The following PTPRA variants were observed in gnomAD, a reference collection of about 807,000 sequenced individuals.
The protein encoded by PTPRA is protein tyrosine phosphatase receptor type A, also known as receptor-type tyrosine-protein phosphatase alpha.
A neutral mutation model predicts 104.8 loss-of-function variants in PTPRA; 25 were observed. The observed-to-expected ratio is 0.24, with a 90% CI of 0.17 to 0.33. PTPRA has a LOEUF of 0.33. PTPRA is among the 10% of genes least tolerant of loss of function. The probability of loss-of-function intolerance (pLI) is 1.00; values close to 1 mark genes in which losing one functional copy is unlikely to be tolerated. For synonymous variants in PTPRA, 323 were observed against 368.9 expected, an observed-to-expected ratio of 0.88 and a Z score of 1.43; for missense variants, 765 against 1,015.3, an observed-to-expected ratio of 0.75 and a Z score of 3.35.
chr20:2,877,390 G>A (rs533603415), intron 1 of PTPRA, among the ~76,000 whole-genome samples: 1 of 152,140 alleles, frequency 6.6e-6, no homozygotes, highest in Non-Finnish European at 1.5e-5. Flanking sequence ...CTCCCGAGTA[G>A]CTGGGATTAC....
chr20:2,865,263 G>A, the PTPRA span: 1 of 1,614,014 alleles, frequency 6.2e-7, no homozygotes, highest in Non-Finnish European at 8.5e-7. This position sits in a 1 kb window ranked among gnomAD's most constrained non-coding sequence, Gnocchi z 5.2. Context: ...ATTCTTGGCG[G>A]TCACAACAAG....
chr20:2,905,917 C>T (rs2059413735), intron 1 of PTPRA, among the ~76,000 whole-genome samples: 1 of 151,870 alleles, frequency 6.6e-6, no homozygotes, highest in African/African-American at 2.4e-5. Flanking sequence ...AACTCCTGAC[C>T]TCAGGTGATC....
chr20:3,024,685 T>A, intron 17 of PTPRA, 64 bp downstream of exon 17: 1 of 1,579,404 alleles, frequency 6.3e-7, no homozygotes, highest in Non-Finnish European at 8.7e-7. Context: ...GAACATGGGA[T>A]GCCTGACTGT....
intron 9 of PTPRA, among the ~76,000 whole-genome samples, chr20:2,988,905 A>C (rs375888426): frequency 6.6e-6 from 1 of 152,238 alleles, no homozygotes; most frequent in Non-Finnish European, 1.5e-5. Flanking sequence ...GGACTGGTGC[A>C]TATTTGTAGG....
At chr20:3,024,730 G>GC (rs2065048841) in intron 17 of PTPRA, 109 bp downstream of exon 17, 1 of 1,341,124 alleles carries the variant, frequency 7.5e-7, no homozygotes, top group Non-Finnish European at 1.0e-6. Flanking sequence ...TGTGAGGCAT[G>GC]CCAGTGGTTA....
rs182078272 is a variant in PTPRA at position 3,022,237 on chromosome 20, C to T, written c.1328+17C>T. The stretch of plus-strand genomic sequence containing the variant: ...CCACTGCAGGTCAGTGTGGCCTGAC[C>T]CTTGTACCCCCACCCCCACATTTCG... On this transcript the variant is annotated intron_variant, in intron 15 of 23. Transcript: ENST00000399903. This position sits in a 1 kb window ranked among gnomAD's most constrained non-coding sequence, Gnocchi z 4.6. 109 of 1,612,790 alleles carry T rather than the reference C, an allele frequency of 6.8e-5. No individual in the cohort carries two copies. In the African/African-American group the frequency reaches 1.2e-3, roughly 18 times the overall value.
chr20:2,884,885 C>G (rs1284802418), intron 1 of PTPRA, among the ~76,000 whole-genome samples: 1 of 151,224 alleles, frequency 6.6e-6, no homozygotes, highest in Non-Finnish European at 1.5e-5. Flanking sequence ...TTTTGGCTCA[C>G]TGCAAGCTCT....
At chr20:2,968,033 C>CA (rs1163698348) in intron 5 of PTPRA, among the ~76,000 whole-genome samples, 18 of 152,202 alleles carry the variant, frequency 1.2e-4, no homozygotes, top group Admixed American at 8.5e-4. Context: ...GGCTACTACA[C>CA]AGATACATCA....
intron 6 of PTPRA, among the ~76,000 whole-genome samples, chr20:2,976,454 AT>A (rs1555807864): frequency 9.9e-5 from 15 of 152,200 alleles, no homozygotes; most frequent in Non-Finnish European, 1.8e-4. Context: ...TATCATATCT[AT>A]TTTACCTACC....
chr20:2,956,988 T>G (rs1481262392), intron 3 of PTPRA, among the ~76,000 whole-genome samples: 1 of 152,170 alleles, frequency 6.6e-6, no homozygotes, highest in Non-Finnish European at 1.5e-5. Context: ...TGTGATAGAT[T>G]AAAAAATGGT....
intron 1 of PTPRA, among the ~76,000 whole-genome samples, chr20:2,922,584 C>T (rs746740551): frequency 3.9e-5 from 6 of 152,026 alleles, no homozygotes; most frequent in African/African-American, 7.3e-5. Context: ...TCAGGTGATC[C>T]GCCTGCCTCG....
At chr20:2,875,788 ATT>A (rs1172546169) in intron 1 of PTPRA, among the ~76,000 whole-genome samples, 1 of 152,134 alleles carries the variant, frequency 6.6e-6, no homozygotes, top group African/African-American at 2.4e-5. Flanking sequence ...CAAGATTTGA[ATT>A]TTGGCCGTGT....
At chr20:2,867,899 T>A in the PTPRA span, among the ~76,000 whole-genome samples, 2 of 152,218 alleles carry the variant, frequency 1.3e-5, no homozygotes, top group Admixed American at 1.3e-4. Flanking sequence ...CAAGGAGATA[T>A]AAGTCAAATG....
chr20:2,929,742 T>C (rs1369751010), intron 2 of PTPRA, among the ~76,000 whole-genome samples: 1 of 152,086 alleles, frequency 6.6e-6, no homozygotes, highest in South Asian at 2.1e-4. Context: ...GGAGGATTGC[T>C]TGAGCCCAGG....
At chr20:2,947,323 C>A (rs2061172350) in intron 2 of PTPRA, among the ~76,000 whole-genome samples, 1 of 152,104 alleles carries the variant, frequency 6.6e-6, no homozygotes, top group Non-Finnish European at 1.5e-5. Context: ...TATTTTCTGT[C>A]TTTGGCCACA....
intron 9 of PTPRA, among the ~76,000 whole-genome samples, chr20:2,998,561 A>G (rs1600231273): frequency 6.6e-6 from 1 of 152,214 alleles, no homozygotes; most frequent in East Asian, 1.9e-4. Context: ...TCTGGGTTTT[A>G]CATTGCTTAG....
chr20:2,898,047 G>A (rs2059083747), intron 1 of PTPRA, among the ~76,000 whole-genome samples: 1 of 150,274 alleles, frequency 6.7e-6, no homozygotes, highest in Non-Finnish European at 1.5e-5. Context: ...CAAGTAGCTG[G>A]GATTGTAGGC....
intron 7 of PTPRA, among the ~76,000 whole-genome samples, chr20:2,987,607 G>A (rs1264145306): frequency 6.6e-6 from 1 of 152,194 alleles, no homozygotes; most frequent in Non-Finnish European, 1.5e-5. Context: ...CAGGAGACTT[G>A]TGGCCAGGAC....
intron 12 of PTPRA, among the ~76,000 whole-genome samples, chr20:3,016,690 A>C (rs2064473077): frequency 6.6e-6 from 1 of 152,246 alleles, no homozygotes; most frequent in Non-Finnish European, 1.5e-5. Flanking sequence ...CAGTGAGCTG[A>C]GATTGCACTA....
Sources: allele counts gnomAD v4.1 joint callset (sites outside exome capture counted in the v4.1 genomes callset), GRCh38; gene constraint gnomAD v4.1.1; non-coding constraint Gnocchi (gnomAD v3.1); transcripts MANE v1.5; gene names NCBI Gene and HGNC (gene_info 2026-07-23, HGNC 2026-07-21).